The following CPAMD8 variants were observed in gnomAD, a reference collection of about 807,000 sequenced individuals.
The protein encoded by CPAMD8 is C3 and PZP-like alpha-2-macroglobulin domain-containing protein 8.
A neutral mutation model predicts 224.7 loss-of-function variants in CPAMD8; 146 were observed. The ratio of observed to expected loss-of-function variants is 0.65; its 90% confidence interval spans 0.57 to 0.75. The LOEUF (loss-of-function observed/expected upper bound fraction) is 0.75, where lower values mean the gene tolerates loss of function less well. Among genes scored for constraint, CPAMD8 ranks in the 30% least tolerant of loss-of-function variants. The probability of loss-of-function intolerance (pLI) is 0.00; values close to 1 mark genes in which losing one functional copy is unlikely to be tolerated. For synonymous variants in CPAMD8, 966 were observed against 1,044.6 expected (o/e 0.92, Z 1.45); for missense variants, 2,301 against 2,537.5 (o/e 0.91, Z 2.00).
intron 2 of CPAMD8, 125 bp from the exon 3 acceptor site, chr19:17,020,478 C>G (rs1396995088): frequency 1.4e-6 from 1 of 697,824 alleles, no homozygotes; most frequent in South Asian, 1.6e-5. Context: ...CAAACACACC[C>G]TGGGTCATGC....
intron 24 of CPAMD8, among the ~76,000 whole-genome samples, 197 bp downstream of exon 24, chr19:16,928,745 C>G (rs868794683): frequency 6.6e-6 from 1 of 151,782 alleles, no homozygotes; most frequent in Non-Finnish European, 1.5e-5. Flanking sequence ...TTGGGTGCTT[C>G]CTCTGCCACA....
chr19:16,894,374 A>G (rs990498445), intron 41 of CPAMD8: 6 of 456,454 alleles, frequency 1.3e-5, no homozygotes, highest in African/African-American at 1.2e-4. Context: ...TAGGGACAGG[A>G]TGCAGCCAGA....
At chr19:16,896,762 C>T (rs2052015609) in intron 39 of CPAMD8, 97 bp from the exon 40 acceptor site, 4 of 844,038 alleles carry the variant, frequency 4.7e-6, no homozygotes. Context: ...GGGTCCCGGG[C>T]CCACTACCCC....
chr19:16,969,873 CAA>C (rs768905816), intron 18 of CPAMD8, among the ~76,000 whole-genome samples: 5 of 69,826 alleles, frequency 7.2e-5, no homozygotes, highest in Admixed American at 3.3e-4. Flanking sequence ...GGCTCCATCT[CAA>C]AAAAAAAAAA....
intron 14 of CPAMD8, 62 bp from the exon 15 acceptor site, chr19:16,977,602 C>T: frequency 3.8e-6 from 5 of 1,316,896 alleles, no homozygotes; most frequent in Non-Finnish European, 5.2e-6. Context: ...CAACCTCAGC[C>T]ATTCAGGCTC....
At chr19:16,981,502 A>G (rs1350604369) in intron 13 of CPAMD8, among the ~76,000 whole-genome samples, 1 of 152,180 alleles carries the variant, frequency 6.6e-6, no homozygotes, top group African/African-American at 2.4e-5. Context: ...AAAACTGGAA[A>G]CTGAGGCCTT....
intron 19 of CPAMD8, among the ~76,000 whole-genome samples, chr19:16,956,998 A>G (rs1484391981): frequency 1.3e-5 from 2 of 152,184 alleles, no homozygotes; most frequent in African/African-American, 4.8e-5. Context: ...ATTTTTTAAC[A>G]ATAAAAAAAG....
intron 3 of CPAMD8, among the ~76,000 whole-genome samples, chr19:17,013,616 G>A (rs1049637999): frequency 4.6e-5 from 7 of 152,046 alleles, no homozygotes. Flanking sequence ...CACAGAGACA[G>A]GAATCAGATG....
intron 26 of CPAMD8, among the ~76,000 whole-genome samples, chr19:16,922,881 C>G (rs1482103593): frequency 6.6e-6 from 1 of 152,224 alleles, no homozygotes; most frequent in Non-Finnish European, 1.5e-5. Context: ...CACACTACAT[C>G]TAGGGTGGCT....
chr19:16,966,266 T>A (rs551782475), intron 18 of CPAMD8, among the ~76,000 whole-genome samples: 2 of 152,308 alleles, frequency 1.3e-5, no homozygotes, highest in South Asian at 2.1e-4. Context: ...TAATAAATGG[T>A]GCTGGGAAAA....
chr19:16,931,645 C>G (rs950903971), intron 23 of CPAMD8, among the ~76,000 whole-genome samples: 1 of 152,150 alleles, frequency 6.6e-6, no homozygotes, highest in Admixed American at 6.5e-5. Context: ...CCACCTGGAC[C>G]CACTAACACT....
Position 17,016,559 on chromosome 19 carries a change from G to C in CPAMD8, c.267+3772C>G, listed in dbSNP as rs146774646. On this transcript the variant is annotated intron_variant, in intron 3 of 41. Coordinates refer to ENST00000443236, the MANE Select transcript of CPAMD8 (RefSeq NM_015692.5). The stretch of plus-strand genomic sequence containing the variant: ...GTGGATCACTTGAGGTCAGGAGTTT[G>C]AGACCACAGTAGCCAACATGGTGAA... Among the ~76,000 whole-genome samples, 143 of 152,264 alleles carry C rather than the reference G, an allele frequency of 9.4e-4. 1 individual carries two copies. Among genetic ancestry groups the C allele is most frequent in the Middle Eastern group, 3.4e-3 (1 of 294 alleles).
rs2056979227 is a variant in CPAMD8 at position 17,022,236 on chromosome 19, G to C, written c.93-55C>G. On this transcript the variant is annotated intron_variant, in intron 1 of 41. Coordinates refer to ENST00000443236, the MANE Select transcript of CPAMD8 (RefSeq NM_015692.5). ...CTCACCCCAGACCCCTGGTCTCGCT[G>C]CCACCACAGCTAGGTCAGGGCTCTC... 3.8e-6 allele frequency: 6 copies of C among 1,569,414 alleles called. No homozygotes were observed. In the Admixed American group the frequency reaches 1.1e-4, roughly 28 times the overall value.
At chr19:16,994,108 A>G (rs1333785381) in intron 11 of CPAMD8, among the ~76,000 whole-genome samples, 1 of 152,178 alleles carries the variant, frequency 6.6e-6, no homozygotes, top group Non-Finnish European at 1.5e-5. Context: ...GTCTCTTAAG[A>G]GAAAAAAAGT....
intron 3 of CPAMD8, among the ~76,000 whole-genome samples, chr19:17,014,628 G>C (rs924850823): frequency 2.0e-5 from 3 of 152,132 alleles, no homozygotes; most frequent in African/African-American, 7.2e-5. Flanking sequence ...AAGAGAGAAT[G>C]AGAGCCAAGC....
intron 3 of CPAMD8, among the ~76,000 whole-genome samples, chr19:17,018,907 C>CAAA (rs769554399): frequency 2.9e-4 from 27 of 93,692 alleles, no homozygotes; most frequent in East Asian, 2.1e-3. Flanking sequence ...GACTTCATCT[C>CAAA]AAAAAAAAAA....
chr19:16,904,176 A>ACGCCCCCCCCCCC, intron 32 of CPAMD8, 50 bp downstream of exon 32: 1 of 937,340 alleles, frequency 1.1e-6, no homozygotes, highest in African/African-American at 1.6e-5. Flanking sequence ...GACTGCAGGG[A>ACGCCCCCCCCCCC]CCCCACCCAC....
chr19:16,997,103 C>G lies in CPAMD8; in HGVS notation c.1095+8G>C. 1.3e-6 allele frequency: 2 copies of G among 1,596,134 alleles called. No homozygotes were observed. The highest frequency in any genetic ancestry group is 1.7e-6 in the Non-Finnish European group (2 of 1,163,804). On this transcript the variant is annotated splice_region_variant and intron_variant, in intron 11 of 41. Coordinates refer to ENST00000443236, the MANE Select transcript of CPAMD8 (RefSeq NM_015692.5). ...GGGCGGGAGGCAGCACAGTCACCCCCAAGTTACCTTCCCCACGTAGGCCAG... is the reference window on the plus strand; with the variant it reads ...GGGCGGGAGGCAGCACAGTCACCCCGAAGTTACCTTCCCCACGTAGGCCAG...
chr19:16,965,057 G>T (rs1299235803), intron 18 of CPAMD8, among the ~76,000 whole-genome samples: 1 of 152,046 alleles, frequency 6.6e-6, no homozygotes, highest in Admixed American at 6.6e-5. Context: ...TGAGGAGATC[G>T]AGACCATCCT....
Sources: gnomAD v4.1 joint callset for allele counts (sites outside exome capture counted in the v4.1 genomes callset) on GRCh38, gnomAD v4.1.1 for gene constraint, MANE v1.5 for transcripts, NCBI Gene and HGNC (gene_info 2026-07-23, HGNC 2026-07-21) for gene names.